The following ECT2 variants were observed in gnomAD, a reference collection of about 807,000 sequenced individuals.
ECT2 encodes the protein protein ECT2.
ECT2 carries 61 observed loss-of-function variants against 116.9 expected under a neutral mutation model. The ratio of observed to expected loss-of-function variants is 0.52; its 90% CI spans 0.42 to 0.65. The LOEUF (loss-of-function observed/expected upper bound fraction) is 0.65, where lower values mean the gene tolerates loss of function less well. Ranked by LOEUF, ECT2 falls within the 30% of genes least tolerant of loss-of-function variation. The probability of loss-of-function intolerance (pLI) is 0.00; values close to 1 mark genes in which losing one functional copy is unlikely to be tolerated. For missense variants in ECT2, 937 were observed against 1,078.7 expected (o/e 0.87, Z 1.84); for synonymous variants, 358 against 346.4 (o/e 1.03, Z -0.37).
chr3:172,784,758 A>G lies in ECT2; in HGVS notation c.1780A>G (p.Ile594Val). ...CGRQSLVELL[I>V]RPVQRLPSVA... ...ACGGCAGAGCCTTGTTGAACTTCTT[A>G]TCCGACCAGTACAGAGGTTACCCAG... The change falls in exon 17 of 25, where the codon ATC becomes GTC. Residue 594 changes from isoleucine (I) to valine (V), a missense_variant. Coordinates refer to ENST00000392692, the MANE Select transcript of ECT2 (RefSeq NM_001258315.2). The G allele has an allele frequency of 6.2e-7, 1 of 1,613,658 alleles. No homozygotes were observed. Among genetic ancestry groups the G allele is most frequent in the Non-Finnish European group, 8.5e-7 (1 of 1,179,586 alleles).
At chr3:172,771,571 C>G (rs779479604) in intron 13 of ECT2, among the ~76,000 whole-genome samples, 8 of 152,132 alleles carry the variant, frequency 5.3e-5, no homozygotes, top group Non-Finnish European at 1.2e-4. Context: ...TGGCCTATAC[C>G]AATCTAGAGA....
At chr3:172,813,582 A>T (rs191374998) in intron 22 of ECT2, among the ~76,000 whole-genome samples, 13 of 152,242 alleles carry the variant, frequency 8.5e-5, no homozygotes, top group African/African-American at 2.9e-4. Flanking sequence ...GGTAGAATAT[A>T]CATAACATAA....
At chr3:172,786,196 T>A (rs1182033909) in intron 17 of ECT2, among the ~76,000 whole-genome samples, 1 of 152,184 alleles carries the variant, frequency 6.6e-6, no homozygotes, top group African/African-American at 2.4e-5. Flanking sequence ...TGTTTTCATT[T>A]AGCACTATGG....
chr3:172,814,853 T>C (rs1236095306), intron 22 of ECT2, among the ~76,000 whole-genome samples: 1 of 152,192 alleles, frequency 6.6e-6, no homozygotes, highest in Non-Finnish European at 1.5e-5. Flanking sequence ...AATGCAATAA[T>C]GTATTGTCAA....
chr3:172,828,736 T>C, the ECT2 span: 3 of 533,204 alleles, frequency 5.6e-6, no homozygotes, highest in South Asian at 6.2e-5. Context: ...GAGCCTCACG[T>C]GGCGAAGAGG....
At chr3:172,755,002 C>T (rs1437375288) in intron 2 of ECT2, among the ~76,000 whole-genome samples, 1 of 151,700 alleles carries the variant, frequency 6.6e-6, no homozygotes, top group Non-Finnish European at 1.5e-5. Context: ...ATGGGTTTTT[C>T]CTAAAATTAT....
At position 172,802,605 on chromosome 3, in the gene ECT2, C is replaced by G. The variant is rs1024464751; in HGVS notation, c.1908-11C>G. On this transcript the variant is annotated splice_polypyrimidine_tract_variant and intron_variant, in intron 18 of 24. Transcript: ENST00000392692. ...TCTATTTTAAAAGTTTTAAAAATAACTATTTTTCAGGCATATTAATGAGGA... is the reference window on the plus strand; with the variant it reads ...TCTATTTTAAAAGTTTTAAAAATAAGTATTTTTCAGGCATATTAATGAGGA... 6.7e-7 allele frequency: 1 copy of G among 1,503,160 alleles called. No individual in the cohort carries two copies. Among genetic ancestry groups the G allele is most frequent in the Non-Finnish European group, 9.1e-7 (1 of 1,104,698 alleles). 93.1% of individuals were successfully genotyped at this position (1,503,160 alleles called of 1,614,324 possible).
the ECT2 span, chr3:172,828,820 G>A: frequency 1.3e-6 from 1 of 789,644 alleles, no homozygotes; most frequent in South Asian, 1.5e-5. Context: ...TGGCATAGGA[G>A]AAGAGCTACT....
At chr3:172,821,565 T>G (rs546543306), downstream of ECT2, 14 of 151,954 alleles carry the variant, frequency 9.2e-5, no homozygotes, top group Non-Finnish European at 2.1e-4. Context: ...TGTACTTGCT[T>G]GCTTACTTGT....
At chr3:172,804,777 G>T (rs906364267) in intron 20 of ECT2, among the ~76,000 whole-genome samples, 1 of 151,870 alleles carries the variant, frequency 6.6e-6, no homozygotes, top group African/African-American at 2.4e-5. Context: ...CAGATTCCTC[G>T]CAGTCTTCTG....
Position 172,774,145 on chromosome 3 carries a change from A to C in ECT2, c.1548+123A>C, listed in dbSNP as rs1721212228. Reference sequence around the variant, plus strand: ...ACCTAAAACTTCTTATTCCCTTATTAGTTCCTTTGAATCATTTGTCTCTTT... The same window carrying C: ...ACCTAAAACTTCTTATTCCCTTATTCGTTCCTTTGAATCATTTGTCTCTTT... On this transcript the variant is annotated intron_variant, in intron 14 of 24. Transcript: ENST00000392692. The C allele has an allele frequency of 4.7e-6, 4 of 847,580 alleles. No individual in the cohort carries two copies. In the Admixed American group the frequency reaches 1.1e-4, roughly 23 times the overall value. 52.5% of individuals were successfully genotyped at this position (847,580 alleles called of 1,614,324 possible). A position where few individuals can be genotyped will look rare whatever the true frequency, so the allele number is the denominator to read the frequency against.
At chr3:172,819,634 T>TTA (rs1730400844) in intron 24 of ECT2, among the ~76,000 whole-genome samples, 1 of 152,100 alleles carries the variant, frequency 6.6e-6, no homozygotes, top group African/African-American at 2.4e-5. Context: ...TGGAACAAAA[T>TTA]TATATATACA....
intron 23 of ECT2, among the ~76,000 whole-genome samples, chr3:172,816,087 TAG>T (rs972611841): frequency 2.6e-5 from 4 of 152,154 alleles, no homozygotes; most frequent in African/African-American, 9.6e-5. Flanking sequence ...AAGTCTATTT[TAG>T]TCTTCTCGTG....
At chr3:172,786,372 T>G in intron 17 of ECT2, 121 bp from the exon 18 acceptor site, 1 of 636,460 alleles carries the variant, frequency 1.6e-6, no homozygotes, top group Non-Finnish European at 2.6e-6. Flanking sequence ...TAAAACTTTT[T>G]AAAAAATAAG....
intron 24 of ECT2, chr3:172,818,789 T>C: frequency 7.9e-7 from 1 of 1,268,172 alleles, no homozygotes; most frequent in Non-Finnish European, 1.0e-6. Flanking sequence ...CAACCACTAA[T>C]GGAAACAAGC....
chr3:172,789,220 G>GTTT (rs71162311), intron 18 of ECT2, among the ~76,000 whole-genome samples: 2 of 108,906 alleles, frequency 1.8e-5, no homozygotes, highest in Middle Eastern at 7.9e-3. Context: ...CTCTTTTTTT[G>GTTT]TTTTTTTTTT....
chr3:172,808,312 G>T (rs2109145246), intron 22 of ECT2, among the ~76,000 whole-genome samples: 1 of 151,512 alleles, frequency 6.6e-6, no homozygotes, highest in African/African-American at 2.4e-5. Context: ...TTGAGCTCAG[G>T]CAGTCTGCCC....
chr3:172,755,892 CAT>C (rs1250666933), intron 4 of ECT2, among the ~76,000 whole-genome samples: 3 of 152,198 alleles, frequency 2.0e-5, no homozygotes, highest in Admixed American at 6.5e-5. Flanking sequence ...CAAAATACCA[CAT>C]AGTTAATTGC....
chr3:172,805,898 T>C (rs201071579), intron 21 of ECT2, 29 bp downstream of exon 21: 67 of 1,601,040 alleles, frequency 4.2e-5, no homozygotes, highest in African/African-American at 3.1e-4. Flanking sequence ...TTCTTGGTTA[T>C]ATAAAAATAG....
Sources: gnomAD v4.1 joint callset for allele counts (sites outside exome capture counted in the v4.1 genomes callset) on GRCh38, gnomAD v4.1.1 for gene constraint, MANE v1.5 for transcripts, NCBI Gene and HGNC (gene_info 2026-07-23, HGNC 2026-07-21) for gene names.